VPS45: variants seen among roughly 807,000 people sequenced by gnomAD.
The protein encoded by VPS45 is vacuolar protein sorting 45 homolog.
A neutral mutation model predicts 75.9 loss-of-function variants in VPS45; 35 were observed. The observed-to-expected ratio is 0.46, with a 90% CI of 0.35 to 0.61. The LOEUF (loss-of-function observed/expected upper bound fraction) is 0.61, where lower values mean the gene tolerates loss of function less well. Among genes scored for constraint, VPS45 ranks in the 20% least tolerant of loss-of-function variants. The pLI is 0.00. For synonymous variants in VPS45, 220 were observed against 238.2 expected (o/e 0.92, Z 0.70); for missense variants, 559 against 685.9 (o/e 0.81, Z 2.07).
At chr1:150,078,949 A>C (rs1553798699) in intron 7 of VPS45, among the ~76,000 whole-genome samples, 1 of 151,742 alleles carries the variant, frequency 6.6e-6, no homozygotes, top group Admixed American at 6.6e-5. Context: ...GTCTCTACTA[A>C]AAATACAAAA....
At chr1:150,134,399 A>G (rs1416212550) in intron 14 of VPS45, among the ~76,000 whole-genome samples, 1 of 152,204 alleles carries the variant, frequency 6.6e-6, no homozygotes, top group Non-Finnish European at 1.5e-5. Flanking sequence ...TATATGTAGC[A>G]TGTAAGTTAG....
chr1:150,088,290 C>A (rs1294602114), intron 10 of VPS45, among the ~76,000 whole-genome samples: 7 of 151,874 alleles, frequency 4.6e-5, no homozygotes, highest in African/African-American at 1.7e-4. Context: ...TCAATGAGAA[C>A]AACTTTTTAG....
rs587646859 is a variant in VPS45 at position 150,081,432 on chromosome 1, A to G, written c.778A>G (p.Arg260Gly). 2.1e-5 allele frequency: 33 copies of G among 1,602,962 alleles called. No individual in the cohort carries two copies. The Admixed American group carries it at 4.3e-4, about 21-fold the overall frequency. Residue 260 changes from arginine to glycine, a missense_variant, in exon 8 of 15, where the codon AGA becomes GGA. Transcript: ENST00000644510. ...AGTGCCGGGAATCAGTAAAGACTTA[A>G]GAGAAGTGGTCCTATCTGCTGAAAA... is the stretch of plus-strand genomic sequence containing the variant. ...SRVPGISKDL[R>G]EVVLSAENDE...
At chr1:150,143,728 C>G (rs1659531675) in intron 14 of VPS45, among the ~76,000 whole-genome samples, 1 of 152,184 alleles carries the variant, frequency 6.6e-6, no homozygotes, top group African/African-American at 2.4e-5. Context: ...AGGCTGCACT[C>G]TGAGAGATGG....
chr1:150,101,578 A>G (rs990171094), intron 13 of VPS45, among the ~76,000 whole-genome samples: 11 of 151,844 alleles, frequency 7.2e-5, no homozygotes, highest in Admixed American at 4.6e-4. Flanking sequence ...TACTAAAAAT[A>G]CAAAAATTAG....
In VPS45 at chr1:150,092,026, C is replaced by G; in HGVS notation, c.1194C>G (p.His398Gln). 1 of 1,614,080 alleles carries G rather than the reference C, an allele frequency of 6.2e-7. No homozygotes were observed. The change falls in exon 11 of 15, where the codon CAC (histidine) becomes CAG (glutamine). Residue 398 changes from histidine (H) to glutamine (Q), a missense_variant. Physicochemically the swap from His to Gln is conservative, Grantham distance 24. Transcript: ENST00000644510. ...VMLYALHYER[H>Q]SSNSLPGLMM... ...TTTATGCTTTACATTATGAGCGACACAGCAGCAATAGCCTGCCAGGACTAA... is the reference window on the plus strand; with the variant it reads ...TTTATGCTTTACATTATGAGCGACAGAGCAGCAATAGCCTGCCAGGACTAA...
intron 13 of VPS45, among the ~76,000 whole-genome samples, chr1:150,104,831 G>A (rs114405655): frequency 0.015 from 2,221 of 152,220 alleles, 65 homozygotes; most frequent in African/African-American, 0.051. Flanking sequence ...TGGCTCAAGC[G>A]ATCCACCTGC....
intron 12 of VPS45, among the ~76,000 whole-genome samples, chr1:150,092,725 T>A (rs1000280024): frequency 2.6e-5 from 4 of 152,178 alleles, no homozygotes; most frequent in Non-Finnish European, 5.9e-5. Flanking sequence ...AAAGATTTTT[T>A]AGGTAGTTTC....
intron 14 of VPS45, among the ~76,000 whole-genome samples, chr1:150,115,964 T>G (rs1257661210): frequency 6.6e-6 from 1 of 152,220 alleles, no homozygotes; most frequent in Non-Finnish European, 1.5e-5. Flanking sequence ...TTGGTTCCCT[T>G]TTTGTGCTGA....
chr1:150,068,254 C>G (rs1654838159), intron 1 of VPS45: 1 of 415,018 alleles, frequency 2.4e-6, no homozygotes, highest in Non-Finnish European at 4.3e-6. Context: ...GATGGGCCTA[C>G]TGTTTCCACT....
intron 14 of VPS45, among the ~76,000 whole-genome samples, chr1:150,122,693 A>G (rs1402747469): frequency 6.6e-6 from 1 of 152,064 alleles, no homozygotes; most frequent in Admixed American, 6.6e-5. Context: ...CTATTACCAC[A>G]GTCAATTTTA....
rs201279066 is a variant in VPS45 at position 150,144,695 on chromosome 1, A to C, written c.1626-14A>C. 4.5e-4 allele frequency: 720 copies of C among 1,601,210 alleles called. 5 individuals are homozygous for C. The Middle Eastern group carries it at 4.9e-3, about 11-fold the overall frequency. On this transcript the variant is annotated splice_polypyrimidine_tract_variant and intron_variant, in intron 14 of 14. Coordinates refer to ENST00000644510, the MANE Select transcript of VPS45 (RefSeq NM_007259.5). The stretch of plus-strand genomic sequence containing the variant: ...TTTGTTTTTTCCTTCAAGTAACCTC[A>C]AACTACTTATCAGTTTCCTAGAGGA...
intron 3 of VPS45, 43 bp downstream of exon 3, chr1:150,072,269 C>T (rs1338803628): frequency 1.2e-5 from 17 of 1,429,850 alleles, no homozygotes; most frequent in Non-Finnish European, 1.5e-5. Flanking sequence ...AACAACATCC[C>T]AGTTAGTGTG....
At chr1:150,131,437 G>A (rs1658830896) in intron 14 of VPS45, among the ~76,000 whole-genome samples, 1 of 152,008 alleles carries the variant, frequency 6.6e-6, no homozygotes, top group Non-Finnish European at 1.5e-5. Flanking sequence ...CTTGAACTTG[G>A]GAGGCAGAGG....
At chr1:150,128,173 G>A (rs935568029) in intron 14 of VPS45, among the ~76,000 whole-genome samples, 4 of 151,910 alleles carry the variant, frequency 2.6e-5, no homozygotes, top group South Asian at 2.1e-4. Flanking sequence ...GTGATGGTGC[G>A]TGCCTGTGGT....
At chr1:150,122,379 C>T (rs386635358) in intron 14 of VPS45, among the ~76,000 whole-genome samples, 10 of 151,938 alleles carry the variant, frequency 6.6e-5, no homozygotes, top group African/African-American at 2.4e-4. Flanking sequence ...GCATTCCAGG[C>T]ACAGCCACAG....
chr1:150,072,348 A>G, intron 3 of VPS45, 122 bp downstream of exon 3: 3 of 690,046 alleles, frequency 4.3e-6, no homozygotes, highest in Non-Finnish European at 6.8e-6. Flanking sequence ...AGTTTATTTA[A>G]TGTCCTTCCA....
At chr1:150,069,152 G>A (rs1654887771) in intron 2 of VPS45, among the ~76,000 whole-genome samples, 1 of 152,150 alleles carries the variant, frequency 6.6e-6, no homozygotes, top group African/African-American at 2.4e-5. Flanking sequence ...TCAGGAACCT[G>A]TGGTGGCTTG....
chr1:150,078,877 A>C (rs1486821453), intron 7 of VPS45, among the ~76,000 whole-genome samples: 1 of 152,138 alleles, frequency 6.6e-6, no homozygotes, highest in Non-Finnish European at 1.5e-5. Flanking sequence ...TGGGAGGTCG[A>C]GGTGGGTAGA....
Sources: gnomAD v4.1 joint callset for allele counts (sites outside exome capture counted in the v4.1 genomes callset) on GRCh38, gnomAD v4.1.1 for gene constraint, MANE v1.5 for transcripts, NCBI Gene and HGNC (gene_info 2026-07-23, HGNC 2026-07-21) for gene names.